Variants in MSI2 observed in about 807,000 individuals in gnomAD.
MSI2 encodes the protein musashi RNA binding protein 2, also known as RNA-binding protein Musashi homolog 2.
MSI2 carries 17 observed loss-of-function variants against 45.6 expected under a neutral mutation model. The observed-to-expected ratio is 0.37, with a 90% CI of 0.26 to 0.56. The LOEUF is 0.56. MSI2 is among the 20% of genes least tolerant of loss of function. The pLI is 0.77. For missense variants in MSI2, 293 were observed against 444.2 expected (o/e 0.66, Z 3.06); for synonymous variants, 156 against 158.2 (o/e 0.99, Z 0.11).
downstream of MSI2, among the ~76,000 whole-genome samples, chr17:57,687,215 C>A (rs976462244): frequency 2.0e-5 from 3 of 151,388 alleles, no homozygotes; most frequent in African/African-American, 7.3e-5. Flanking sequence ...GCTTTAAATG[C>A]CTTCAGATGG....
chr17:57,314,760 CG>C (rs1465760742), intron 5 of MSI2, among the ~76,000 whole-genome samples: 2 of 151,816 alleles, frequency 1.3e-5, no homozygotes, highest in African/African-American at 4.8e-5. Flanking sequence ...TTAGTAAAAA[CG>C]GGGTTTCGCT....
At chr17:57,478,031 C>T (rs940708888) in intron 6 of MSI2, among the ~76,000 whole-genome samples, 5 of 152,312 alleles carry the variant, frequency 3.3e-5, no homozygotes, top group East Asian at 1.9e-4. Flanking sequence ...ATGTAGAGAG[C>T]ACAGAGCCTC....
At chr17:57,567,974 A>T (rs897793214) in intron 7 of MSI2, among the ~76,000 whole-genome samples, 2 of 152,148 alleles carry the variant, frequency 1.3e-5, no homozygotes, top group Non-Finnish European at 2.9e-5. Context: ...ATAGATGGAG[A>T]TATTGAGGCA....
intron 6 of MSI2, among the ~76,000 whole-genome samples, chr17:57,460,116 G>A (rs898709820): frequency 3.4e-5 from 5 of 148,278 alleles, no homozygotes; most frequent in African/African-American, 7.5e-5. Context: ...GCAACAGAAC[G>A]GAACTCTGTC....
intron 5 of MSI2, among the ~76,000 whole-genome samples, chr17:57,302,603 C>T (rs941662898): frequency 6.6e-6 from 1 of 152,158 alleles, no homozygotes; most frequent in Non-Finnish European, 1.5e-5. Context: ...CATGTTCTCC[C>T]CAGTGCTGTT....
intron 11 of MSI2, among the ~76,000 whole-genome samples, chr17:57,674,603 A>ACTCT (rs761335564): frequency 8.6e-5 from 12 of 138,812 alleles, no homozygotes; most frequent in South Asian, 2.4e-4. Context: ...TGAAAAAAAA[A>ACTCT]CTCTCTCTCT....
At chr17:57,446,913 T>G (rs1016682702) in intron 6 of MSI2, among the ~76,000 whole-genome samples, 1 of 152,168 alleles carries the variant, frequency 6.6e-6, no homozygotes, top group Admixed American at 6.5e-5. Flanking sequence ...GGGCACGCCT[T>G]GAAGCTTTGG....
At chr17:57,365,762 A>G (rs533897673) in intron 5 of MSI2, among the ~76,000 whole-genome samples, 3 of 152,300 alleles carry the variant, frequency 2.0e-5, no homozygotes, top group Admixed American at 2.0e-4. Flanking sequence ...ATGAGCTTCC[A>G]CATATTGTGC....
chr17:57,489,274 C>T (rs1034322853), intron 6 of MSI2, among the ~76,000 whole-genome samples: 2 of 152,082 alleles, frequency 1.3e-5, no homozygotes, highest in African/African-American at 4.8e-5. Flanking sequence ...GCATTGGGGT[C>T]TGATGGAGCT....
At chr17:57,392,741 G>T (rs1396610495) in intron 5 of MSI2, among the ~76,000 whole-genome samples, 1 of 152,152 alleles carries the variant, frequency 6.6e-6, no homozygotes, top group Admixed American at 6.5e-5. Flanking sequence ...GTGACCTGAG[G>T]CCTGTGGAAT....
At position 57,627,156 on chromosome 17, in the gene MSI2, C is replaced by A; in HGVS notation, c.653-73C>A. ...TAACTCAGGCTTTCCTCATTGCCAC[C>A]CTCCGTGAGATTTTACCCCAGACCT... On this transcript the variant is annotated intron_variant, in intron 9 of 13. Coordinates refer to ENST00000284073, the MANE Select transcript of MSI2 (RefSeq NM_138962.4). This position sits in a 1 kb window ranked among gnomAD's most constrained non-coding sequence, Gnocchi z 4.6. 2 of 1,315,960 alleles carry A rather than the reference C, an allele frequency of 1.5e-6. No individual in the cohort carries two copies. Among genetic ancestry groups the A allele is most frequent in the Non-Finnish European group, 2.2e-6 (2 of 909,260 alleles). 81.5% of individuals were successfully genotyped at this position (1,315,960 alleles called of 1,614,324 possible). A position where few individuals can be genotyped will look rare whatever the true frequency, so the allele number is the denominator to read the frequency against.
intron 7 of MSI2, among the ~76,000 whole-genome samples, chr17:57,535,078 C>G (rs1014135311): frequency 6.6e-5 from 10 of 152,168 alleles, no homozygotes; most frequent in African/African-American, 1.9e-4. Context: ...GGCAGGAGGC[C>G]GGGGAGTAGA....
intron 5 of MSI2, among the ~76,000 whole-genome samples, chr17:57,340,801 G>A (rs1049883183): frequency 1.1e-4 from 17 of 152,174 alleles, no homozygotes; most frequent in African/African-American, 2.9e-4. Flanking sequence ...ACTCTCTGCC[G>A]ATTTCCAGCG....
intron 5 of MSI2, among the ~76,000 whole-genome samples, chr17:57,394,196 G>A (rs74358156): frequency 0.033 from 4,948 of 151,996 alleles, 125 homozygotes; most frequent in Middle Eastern, 0.058. Flanking sequence ...TTTTCCAATT[G>A]TTTTTTTTCT....
chr17:57,616,542 T>G (rs1383583607), intron 9 of MSI2: 1 of 152,408 alleles, frequency 6.6e-6, no homozygotes, highest in Non-Finnish European at 1.5e-5. Flanking sequence ...GATAATCCTG[T>G]CTATTTAAAT....
At chr17:57,316,841 C>T (rs1912889783) in intron 5 of MSI2, among the ~76,000 whole-genome samples, 1 of 152,046 alleles carries the variant, frequency 6.6e-6, no homozygotes. Flanking sequence ...TCCCTTTCTC[C>T]TGTGTCAGAA....
chr17:57,624,893 G>A (rs183586498), intron 9 of MSI2, among the ~76,000 whole-genome samples: 14 of 152,346 alleles, frequency 9.2e-5, no homozygotes, highest in African/African-American at 3.4e-4. Context: ...TGCTGTCACA[G>A]ATTACCATAG....
chr17:57,563,081 G>A (rs1368168032), intron 7 of MSI2, among the ~76,000 whole-genome samples: 1 of 111,456 alleles, frequency 9.0e-6, no homozygotes, highest in African/African-American at 3.7e-5. Context: ...CTGGGTGACA[G>A]AGCAAAACTT....
chr17:57,567,606 C>T (rs1266244717), intron 7 of MSI2, among the ~76,000 whole-genome samples: 2 of 152,226 alleles, frequency 1.3e-5, no homozygotes, highest in Non-Finnish European at 2.9e-5. Context: ...GCCAGTCTCT[C>T]TCTGCAGTGG....
Sources: allele counts gnomAD v4.1 joint callset (sites outside exome capture counted in the v4.1 genomes callset), GRCh38; gene constraint gnomAD v4.1.1; non-coding constraint Gnocchi (gnomAD v3.1); transcripts MANE v1.5; gene names NCBI Gene and HGNC (gene_info 2026-07-23, HGNC 2026-07-21).